LARGE1: variants seen among roughly 807,000 people sequenced by gnomAD.
The protein encoded by LARGE1 is LARGE xylosyl- and glucuronyltransferase 1.
Under a neutral mutation model 87.6 loss-of-function variants are expected in LARGE1, and 43 were observed. That is an observed-to-expected ratio of 0.49 (90% CI 0.38 to 0.63). LARGE1 has a LOEUF of 0.63. Among genes scored for constraint, LARGE1 ranks in the 30% least tolerant of loss-of-function variants. The pLI, the probability that LARGE1 is intolerant of heterozygous loss-of-function variation, is 0.00. For missense variants in LARGE1, 802 were observed against 1,000.2 expected (o/e 0.80, Z 2.67); for synonymous variants, 434 against 394.6 (o/e 1.10, Z -1.18).
chr22:33,801,351 C>A (rs949812264), intron 1 of LARGE1, among the ~76,000 whole-genome samples: 2 of 152,214 alleles, frequency 1.3e-5, no homozygotes, highest in African/African-American at 4.8e-5. Flanking sequence ...GACACAGTTT[C>A]TCTGCAACCT....
intron 1 of LARGE1, among the ~76,000 whole-genome samples, chr22:33,775,037 T>C (rs1473839922): frequency 1.3e-5 from 2 of 152,146 alleles, no homozygotes; most frequent in African/African-American, 2.4e-5. Flanking sequence ...GATGTGACAG[T>C]GCTTAGGAAA....
At chr22:33,186,650 A>C (rs1923492049) in intron 11 of LARGE1, among the ~76,000 whole-genome samples, 1 of 152,176 alleles carries the variant, frequency 6.6e-6, no homozygotes, top group Admixed American at 6.6e-5. Context: ...TAGCCAGTGG[A>C]ATAAAGTAAA....
At chr22:33,330,908 G>T (rs534107448) in intron 10 of LARGE1, among the ~76,000 whole-genome samples, 1 of 152,252 alleles carries the variant, frequency 6.6e-6, no homozygotes, top group South Asian at 2.1e-4. Context: ...CTGAATTTCC[G>T]AATCAGTGGG....
intron 6 of LARGE1, among the ~76,000 whole-genome samples, chr22:33,500,946 A>T (rs1223884615): frequency 6.6e-6 from 1 of 152,168 alleles, no homozygotes; most frequent in East Asian, 1.9e-4. Flanking sequence ...AGCTCAGGGG[A>T]GAGGGACAAC....
chr22:33,190,217 C>G (rs1247360118), intron 11 of LARGE1, among the ~76,000 whole-genome samples: 1 of 152,064 alleles, frequency 6.6e-6, no homozygotes, highest in Non-Finnish European at 1.5e-5. Context: ...AAGATTTGCT[C>G]TTAATACCAG....
At chr22:33,389,866 C>A (rs1601672689) in intron 7 of LARGE1, among the ~76,000 whole-genome samples, 1 of 150,886 alleles carries the variant, frequency 6.6e-6, no homozygotes, top group Non-Finnish European at 1.5e-5. Context: ...AACCAACCAA[C>A]CAACCAACCA....
chr22:33,548,427 T>C (rs1244254875), intron 6 of LARGE1, among the ~76,000 whole-genome samples: 1 of 152,158 alleles, frequency 6.6e-6, no homozygotes, highest in Non-Finnish European at 1.5e-5. Flanking sequence ...CGTTTTTTTT[T>C]TCTTGAAATG....
chr22:33,567,701 C>T (rs1042373489), intron 5 of LARGE1, among the ~76,000 whole-genome samples: 3 of 152,098 alleles, frequency 2.0e-5, no homozygotes, highest in African/African-American at 7.2e-5. Context: ...TCCAGTATAC[C>T]TGTCACCTGA....
At chr22:33,134,603 A>G in the LARGE1 span, among the ~76,000 whole-genome samples, 1 of 152,140 alleles carries the variant, frequency 6.6e-6, no homozygotes, top group African/African-American at 2.4e-5. Context: ...GATAGTGGTC[A>G]TACCTGTCTT....
At chr22:33,089,321 TTTC>T in the LARGE1 span, among the ~76,000 whole-genome samples, 2,993 of 86,928 alleles carry the variant, frequency 0.034, 40 homozygotes, top group Admixed American at 0.04. Context: ...TTCTTTCTTC[TTTC>T]TTCTTCTTCT....
At chr22:33,440,046 T>G (rs1429093732) in intron 6 of LARGE1, among the ~76,000 whole-genome samples, 1 of 152,120 alleles carries the variant, frequency 6.6e-6, no homozygotes, top group Non-Finnish European at 1.5e-5. Flanking sequence ...CCTGATCACT[T>G]TTTCCTCAGG....
intron 7 of LARGE1, among the ~76,000 whole-genome samples, chr22:33,390,173 C>T (rs1601674082): frequency 6.6e-6 from 1 of 152,344 alleles, no homozygotes; most frequent in Non-Finnish European, 1.5e-5. Context: ...AGAACGTTTA[C>T]TAAATATACC....
chr22:33,195,074 A>T (rs191280986), intron 11 of LARGE1, among the ~76,000 whole-genome samples: 23 of 152,364 alleles, frequency 1.5e-4, no homozygotes, highest in Admixed American at 1.4e-3. Context: ...TCAAGCATTT[A>T]TCAGGAAGTG....
At chr22:33,621,987 C>T (rs539738959) in intron 4 of LARGE1, among the ~76,000 whole-genome samples, 9 of 152,300 alleles carry the variant, frequency 5.9e-5, no homozygotes, top group East Asian at 1.9e-4. Context: ...AACATCTGAG[C>T]TCCCAAACTG....
At chr22:33,251,010 T>C (rs950699134) in intron 11 of LARGE1, among the ~76,000 whole-genome samples, 1 of 152,206 alleles carries the variant, frequency 6.6e-6, no homozygotes, top group South Asian at 2.1e-4. Context: ...GCTTGCCTCA[T>C]AGAATGATGT....
chr22:33,681,424 G>T (rs576445583), intron 2 of LARGE1, among the ~76,000 whole-genome samples: 1 of 152,232 alleles, frequency 6.6e-6, no homozygotes, highest in African/African-American at 2.4e-5. Context: ...GTATCCTTAG[G>T]TTCATGACTT....
At chr22:33,779,266 T>C (rs910914831) in intron 1 of LARGE1, among the ~76,000 whole-genome samples, 3 of 152,184 alleles carry the variant, frequency 2.0e-5, no homozygotes, top group Admixed American at 6.5e-5. Context: ...TCTGGCTCTA[T>C]GGTGGGTGCT....
intron 6 of LARGE1, among the ~76,000 whole-genome samples, chr22:33,450,019 C>G (rs2067847614): frequency 1.3e-5 from 2 of 151,886 alleles, no homozygotes; most frequent in Non-Finnish European, 2.9e-5. Context: ...TCAAGTGATT[C>G]TACTGCCTCA....
At chr22:33,819,530 C>A (rs1441344854) in intron 1 of LARGE1, among the ~76,000 whole-genome samples, 1 of 152,046 alleles carries the variant, frequency 6.6e-6, no homozygotes, top group South Asian at 2.1e-4. Context: ...TACCAACAAA[C>A]CTCCCCACCG....
Sources: gnomAD v4.1 joint callset for allele counts (sites outside exome capture counted in the v4.1 genomes callset) on GRCh38, gnomAD v4.1.1 for gene constraint, MANE v1.5 for transcripts, NCBI Gene and HGNC (gene_info 2026-07-23, HGNC 2026-07-21) for gene names.